CYB5A: variants seen among roughly 807,000 people sequenced by gnomAD.
The protein encoded by CYB5A is cytochrome b5 type A.
In CYB5A, 10 loss-of-function variants were observed where a neutral mutation model predicts 16.2. The ratio of observed to expected loss-of-function variants is 0.62; its 90% CI spans 0.38 to 1.04. CYB5A has a LOEUF of 1.04. CYB5A is among the 50% of genes least tolerant of loss of function. The probability of loss-of-function intolerance (pLI) is 0.01; values close to 1 mark genes in which losing one functional copy is unlikely to be tolerated. For synonymous variants in CYB5A, 62 were observed against 57.0 expected (o/e 1.09, Z -0.40); for missense variants, 161 against 165.9 (o/e 0.97, Z 0.16).
chr18:74,273,628 T>C (rs1982756278), intron 1 of CYB5A, among the ~76,000 whole-genome samples: 1 of 152,238 alleles, frequency 6.6e-6, no homozygotes, highest in South Asian at 2.1e-4. Flanking sequence ...GCCACGGCCC[T>C]GGCCCTGCCT....
rs780865230 is a variant in CYB5A, at chr18:74,253,614, C to T, written c.375G>A (p.Leu125=). 5 of 1,613,496 alleles carry T rather than the reference C, an allele frequency of 3.1e-6. No individual in the cohort carries two copies. In the South Asian group the frequency reaches 4.4e-5, roughly 14 times the overall value. ...CCTCTGCCATGTATAGGCGATACAT[C>T]AAGGCGACGGCCACTGCAGAGATGG... The part of the protein sequence containing the change: ...IPAISAVAVA[L]MYRLYMAED The change falls in exon 5 of 5, where the codon TTG becomes TTA. Residue 125 remains leucine, a synonymous_variant. Coordinates refer to ENST00000340533, the MANE Select transcript of CYB5A (RefSeq NM_148923.4).
intron 1 of CYB5A, among the ~76,000 whole-genome samples, chr18:74,281,434 G>T (rs978136110): frequency 6.6e-6 from 1 of 152,186 alleles, no homozygotes; most frequent in Non-Finnish European, 1.5e-5. Context: ...CAATAAGGAG[G>T]TCGGACAGAA....
chr18:74,279,295 A>C (rs1982998850), intron 1 of CYB5A, among the ~76,000 whole-genome samples: 1 of 152,260 alleles, frequency 6.6e-6, no homozygotes, highest in Non-Finnish European at 1.5e-5. Flanking sequence ...TGGGAGGCCA[A>C]GGCAGGCGGA....
chr18:74,275,887 G>A lies in CYB5A; in HGVS notation c.130-12410C>T, dbSNP rs7244022. On this transcript the variant is annotated intron_variant, in intron 1 of 4. Coordinates refer to ENST00000340533, the MANE Select transcript of CYB5A (RefSeq NM_148923.4). Reference sequence around the variant, plus strand: ...GCTTGAAGAACATGCTGGAGGAGCCGTCGCCACACAGTAGGGTGGCCAGGG... The same window carrying A: ...GCTTGAAGAACATGCTGGAGGAGCCATCGCCACACAGTAGGGTGGCCAGGG... Among the ~76,000 whole-genome samples, 1,381 of 152,226 alleles carry A rather than the reference G, an allele frequency of 9.1e-3. 17 individuals are homozygous for A. Among genetic ancestry groups the A allele is most frequent in the South Asian group, 0.03 (145 of 4,810 alleles).
At position 74,255,785 on chromosome 18, in the gene CYB5A, G is replaced by C; in HGVS notation, c.289-10C>G. 1 of 1,606,184 alleles carries C rather than the reference G, an allele frequency of 6.2e-7. No homozygotes were observed. The highest frequency in any genetic ancestry group is 8.5e-7 in the Non-Finnish European group (1 of 1,172,872). Reference sequence around the variant, plus strand: ...TAGTGATAAGAGTTTCCTGAAACACGAGAGGAAAAAGTAAAGTAAGTTCAA... The same window carrying C: ...TAGTGATAAGAGTTTCCTGAAACACCAGAGGAAAAAGTAAAGTAAGTTCAA... On this transcript the variant is annotated splice_polypyrimidine_tract_variant and intron_variant, in intron 3 of 4. Transcript: ENST00000340533.
rs78999753 is a variant in CYB5A at position 74,256,491 on chromosome 18, G to C, written c.289-716C>G. 690 of 335,274 alleles carry C rather than the reference G, an allele frequency of 2.1e-3. 6 individuals carry two copies. The highest frequency in any genetic ancestry group is 0.014 in the African/African-American group (651 of 47,276). The allele number at this position is 335,274 out of a possible 1,614,324, so 20.8% of individuals were successfully genotyped here. A position where few individuals can be genotyped will look rare whatever the true frequency, so the allele number is the denominator to read the frequency against. ...AGCAGCTCTTTTGAGTAGCACTAAA[G>C]TGAATGGACAATGGTTCTGGAAAAA... On this transcript the variant is annotated intron_variant, in intron 3 of 4. Coordinates refer to ENST00000340533, the MANE Select transcript of CYB5A (RefSeq NM_148923.4).
At chr18:74,266,809 C>A in intron 1 of CYB5A, among the ~76,000 whole-genome samples, 1 of 141,856 alleles carries the variant, frequency 7.0e-6, no homozygotes. Context: ...ACTGATAACT[C>A]ATGTAAAATT....
At chr18:74,281,781 CA>C (rs1381233152) in intron 1 of CYB5A, among the ~76,000 whole-genome samples, 10 of 89,992 alleles carry the variant, frequency 1.1e-4, no homozygotes, top group African/African-American at 5.5e-4. Context: ...GTGTGTGTTT[CA>C]GGGGAGAAGG....
intron 1 of CYB5A, among the ~76,000 whole-genome samples, chr18:74,267,437 G>GT (rs1176062077): frequency 6.6e-6 from 1 of 152,190 alleles, no homozygotes; most frequent in Non-Finnish European, 1.5e-5. Flanking sequence ...GATTACAGGC[G>GT]TGAGCCACAC....
At chr18:74,285,924 G>A (rs1345722613) in intron 1 of CYB5A, among the ~76,000 whole-genome samples, 2 of 151,858 alleles carry the variant, frequency 1.3e-5, no homozygotes, top group Non-Finnish European at 2.9e-5. Flanking sequence ...CCATAAGGAG[G>A]TAATTGCAGG....
chr18:74,261,843 G>A (rs1982212393), intron 2 of CYB5A, among the ~76,000 whole-genome samples: 1 of 152,112 alleles, frequency 6.6e-6, no homozygotes, highest in African/African-American at 2.4e-5. Context: ...TTAGAATGAG[G>A]CTATTTGCCT....
intron 1 of CYB5A, among the ~76,000 whole-genome samples, chr18:74,274,825 C>T (rs984151866): frequency 1.4e-4 from 22 of 152,154 alleles, no homozygotes; most frequent in Admixed American, 1.4e-3. Context: ...ATTTTAGTGG[C>T]CTTGCAGAAA....
chr18:74,261,236 C>T, intron 2 of CYB5A: 2 of 385,568 alleles, frequency 5.2e-6, no homozygotes. Context: ...CAGATTGCGA[C>T]ACGTAATTCA....
chr18:74,281,042 A>G (rs1446273611), intron 1 of CYB5A, among the ~76,000 whole-genome samples: 3 of 152,190 alleles, frequency 2.0e-5, no homozygotes, highest in Non-Finnish European at 4.4e-5. Context: ...CCAGGGGAGC[A>G]GCAGTAGACA....
chr18:74,273,419 C>A (rs1308621823), intron 1 of CYB5A, among the ~76,000 whole-genome samples: 1 of 152,142 alleles, frequency 6.6e-6, no homozygotes, highest in Non-Finnish European at 1.5e-5. Flanking sequence ...CACTGGGCAC[C>A]AAATATCCAT....
At chr18:74,272,257 C>T (rs112843413) in intron 1 of CYB5A, among the ~76,000 whole-genome samples, 2 of 152,124 alleles carry the variant, frequency 1.3e-5, no homozygotes, top group Admixed American at 6.5e-5. Context: ...AAGTTTTAGG[C>T]GATTAGCAAA....
intron 1 of CYB5A, among the ~76,000 whole-genome samples, chr18:74,270,358 C>T (rs4891539): frequency 0.13 from 19,667 of 152,026 alleles, 1,459 homozygotes; most frequent in Admixed American, 0.2. Flanking sequence ...AGTTCAATGT[C>T]GCAGTGAGCT....
chr18:74,282,421 A>G (rs1025768907), intron 1 of CYB5A, among the ~76,000 whole-genome samples: 4 of 152,166 alleles, frequency 2.6e-5, no homozygotes, highest in African/African-American at 7.2e-5. Context: ...GGGGAAAAAA[A>G]TAAGATAGTC....
At chr18:74,281,681 C>T (rs566210763) in intron 1 of CYB5A, among the ~76,000 whole-genome samples, 10 of 151,514 alleles carry the variant, frequency 6.6e-5, no homozygotes, top group Non-Finnish European at 1.3e-4. Flanking sequence ...TCAGAGGCTT[C>T]TACTATTCAG....
Sources: gnomAD v4.1 joint callset for allele counts (sites outside exome capture counted in the v4.1 genomes callset) on GRCh38, gnomAD v4.1.1 for gene constraint, MANE v1.5 for transcripts, NCBI Gene and HGNC (gene_info 2026-07-23, HGNC 2026-07-21) for gene names.